The following MRTFB variants were observed in gnomAD, a reference collection of about 807,000 sequenced individuals.
MRTFB encodes myocardin-related transcription factor B.
MRTFB carries 29 observed loss-of-function variants against 104.2 expected under a neutral mutation model. That is an observed-to-expected ratio of 0.28 (90% CI 0.21 to 0.38). MRTFB has a LOEUF of 0.38. Among genes scored for constraint, MRTFB ranks in the 10% least tolerant of loss-of-function variants. MRTFB has a pLI of 1.00. For missense variants in MRTFB, 1,270 were observed against 1,341.6 expected (o/e 0.95, Z 0.83); for synonymous variants, 535 against 519.5 (o/e 1.03, Z -0.41).
intron 2 of MRTFB, among the ~76,000 whole-genome samples, chr16:14,114,285 A>C (rs930437134): frequency 6.6e-6 from 1 of 152,126 alleles, no homozygotes; most frequent in African/African-American, 2.4e-5. Flanking sequence ...TTTTATTTGG[A>C]CTCATTGTAA....
chr16:14,017,707 A>AT, the MRTFB span, among the ~76,000 whole-genome samples: 24 of 18,820 alleles, frequency 1.3e-3, 2 homozygotes, highest in African/African-American at 1.5e-3. Flanking sequence ...ATATATATAT[A>AT]TATATTTTTT....
At chr16:14,040,036 C>A in the MRTFB span, among the ~76,000 whole-genome samples, 1 of 152,194 alleles carries the variant, frequency 6.6e-6, no homozygotes, top group Non-Finnish European at 1.5e-5. Flanking sequence ...GCGTGAGCCA[C>A]CGCGCCCAGC....
chr16:14,175,506 G>A (rs1207544074), intron 3 of MRTFB, among the ~76,000 whole-genome samples: 1 of 152,158 alleles, frequency 6.6e-6, no homozygotes, highest in Non-Finnish European at 1.5e-5. Flanking sequence ...ATTATGGGCA[G>A]ATGATTGCAG....
At chr16:14,121,805 C>A (rs1434900058) in intron 2 of MRTFB, among the ~76,000 whole-genome samples, 3 of 152,120 alleles carry the variant, frequency 2.0e-5, no homozygotes, top group Non-Finnish European at 4.4e-5. Flanking sequence ...TATTTTGTAC[C>A]ATCAGTGTAG....
the MRTFB span, among the ~76,000 whole-genome samples, chr16:14,006,140 C>T: frequency 6.6e-6 from 1 of 151,832 alleles, no homozygotes. Flanking sequence ...ATCAAGAGTT[C>T]GAGACCAGCC....
intron 3 of MRTFB, chr16:14,150,904 TC>T (rs2038581384): frequency 6.6e-6 from 1 of 152,218 alleles, no homozygotes; most frequent in Non-Finnish European, 1.5e-5. Flanking sequence ...TAGTGGCACT[TC>T]GTAGGAGTCT....
the MRTFB span, chr16:14,018,919 C>T: frequency 6.6e-6 from 1 of 152,136 alleles, no homozygotes; most frequent in African/African-American, 2.4e-5. Flanking sequence ...CCCCTGTGGG[C>T]ATTTGAGTTT....
the MRTFB span, among the ~76,000 whole-genome samples, chr16:14,018,156 C>T: frequency 6.6e-6 from 1 of 152,156 alleles, no homozygotes; most frequent in Non-Finnish European, 1.5e-5. Context: ...AATAACCCCT[C>T]TTCCTGAGTG....
chr16:14,203,596 G>GT (rs1356579178), intron 3 of MRTFB, among the ~76,000 whole-genome samples: 2 of 152,056 alleles, frequency 1.3e-5, no homozygotes, highest in African/African-American at 4.8e-5. Flanking sequence ...GAGGCCAGGA[G>GT]TTGGAGACCA....
the MRTFB span, among the ~76,000 whole-genome samples, chr16:14,061,459 A>T: frequency 6.6e-6 from 1 of 151,888 alleles, no homozygotes; most frequent in Admixed American, 6.6e-5. Context: ...AGCTGGCATC[A>T]CTAACTTCAT....
chr16:14,067,410 A>G (rs1240556740), upstream of MRTFB, among the ~76,000 whole-genome samples: 1 of 151,914 alleles, frequency 6.6e-6, no homozygotes, highest in African/African-American at 2.4e-5. Context: ...TTTAGTAGAG[A>G]CAGGGTTTCA....
At chr16:14,023,657 A>G in the MRTFB span, among the ~76,000 whole-genome samples, 3 of 145,100 alleles carry the variant, frequency 2.1e-5, no homozygotes, top group East Asian at 5.9e-4. Flanking sequence ...ATACATATTT[A>G]TGTGTGTGTG....
the MRTFB span, among the ~76,000 whole-genome samples, chr16:14,031,910 C>G: frequency 6.6e-6 from 1 of 152,148 alleles, no homozygotes; most frequent in Non-Finnish European, 1.5e-5. Context: ...CGGGTTCATG[C>G]GATTCTCTTG....
chr16:14,141,776 A>G (rs1567375315), intron 3 of MRTFB: 3 of 151,994 alleles, frequency 2.0e-5, no homozygotes, highest in African/African-American at 7.2e-5. Flanking sequence ...TCCTTCAAAT[A>G]AAATGTGTTT....
the MRTFB span, among the ~76,000 whole-genome samples, chr16:14,007,463 T>C: frequency 2.3e-4 from 35 of 152,378 alleles, no homozygotes; most frequent in Admixed American, 5.2e-4. Flanking sequence ...ACATTTTATT[T>C]ATTCACTCAT....
chr16:14,231,294 T>TA (rs1555456100), intron 8 of MRTFB, among the ~76,000 whole-genome samples: 1 of 151,580 alleles, frequency 6.6e-6, no homozygotes, highest in African/African-American at 2.4e-5. Context: ...AATAATAAAA[T>TA]AAAAAATAAA....
chr16:14,130,730 C>G (rs143444079), intron 2 of MRTFB, among the ~76,000 whole-genome samples: 1 of 152,078 alleles, frequency 6.6e-6, no homozygotes, highest in Non-Finnish European at 1.5e-5. Context: ...TAAAGACATA[C>G]CCAAGACTGG....
At chr16:14,154,971 T>C (rs1308914085) in intron 3 of MRTFB, among the ~76,000 whole-genome samples, 4 of 152,172 alleles carry the variant, frequency 2.6e-5, no homozygotes, top group African/African-American at 4.8e-5. Context: ...AGCAAATTAC[T>C]CTAAGGGAGA....
At position 14,213,638 on chromosome 16, in the gene MRTFB, T is replaced by C; in HGVS notation, c.352+18T>C. On this transcript the variant is annotated intron_variant, in intron 6 of 16. Coordinates refer to ENST00000571589, the MANE Select transcript of MRTFB (RefSeq NM_001308142.2). ...TTTAGAAGGTAAAGGATTTATTTCT[T>C]CTTAATCTGCTGTATTTTTTCAAGA... 1 of 1,502,444 alleles carries C rather than the reference T, an allele frequency of 6.7e-7. No homozygotes were observed. Among genetic ancestry groups the C allele is most frequent in the Non-Finnish European group, 9.1e-7 (1 of 1,104,026 alleles). The allele number at this position is 1,502,444 out of a possible 1,614,324, so 93.1% of individuals were successfully genotyped here.
Sources: allele counts gnomAD v4.1 joint callset (sites outside exome capture counted in the v4.1 genomes callset), GRCh38; gene constraint gnomAD v4.1.1; transcripts MANE v1.5; gene names NCBI Gene and HGNC (gene_info 2026-07-23, HGNC 2026-07-21).